The following USP50 variants were observed in gnomAD, a reference collection of about 807,000 sequenced individuals.
The protein encoded by USP50 is ubiquitin carboxyl-terminal hydrolase 50.
A neutral mutation model predicts 39.2 loss-of-function variants in USP50; 37 were observed. That is an observed-to-expected ratio of 0.94 (90% CI 0.73 to 1.24). The LOEUF is 1.24. Ranked by LOEUF, USP50 falls within the 50% of genes most tolerant of loss-of-function variation. The pLI is 0.00. For missense variants in USP50, 374 were observed against 398.2 expected (o/e 0.94, Z 0.52); for synonymous variants, 139 against 144.5 (o/e 0.96, Z 0.27).
downstream of USP50, among the ~76,000 whole-genome samples, chr15:50,496,402 A>G (rs1217871690): frequency 6.6e-6 from 1 of 150,912 alleles, no homozygotes; most frequent in African/African-American, 2.4e-5. Context: ...AATGGCGTGA[A>G]CCCTGGAGGC....
At position 50,526,036 on chromosome 15, in the gene USP50, CA is replaced by C. The variant is rs564640181; in HGVS notation, c.936+3760del. 1.4e-3 allele frequency among the ~76,000 whole-genome samples: 213 copies of C among 152,176 alleles called. 2 individuals are homozygous for C. Among genetic ancestry groups the C allele is most frequent in the African/African-American group, 4.7e-3 (194 of 41,520 alleles). On this transcript the variant is annotated intron_variant, in intron 6 of 6. Transcript: ENST00000532404. ...AGGGAGCGGGATCATTAAAGACACA[CA>C]GGGGGCTTTTCTTTTATACAGTATT...
downstream of USP50, among the ~76,000 whole-genome samples, chr15:50,496,413 G>A (rs946758715): frequency 3.3e-5 from 5 of 150,348 alleles, 1 homozygote; most frequent in South Asian, 4.2e-4. Context: ...CCCTGGAGGC[G>A]GAGTTTACAG....
chr15:50,528,601 G>A (rs573577613), intron 6 of USP50, among the ~76,000 whole-genome samples: 15 of 152,294 alleles, frequency 9.8e-5, no homozygotes, highest in African/African-American at 3.4e-4. Flanking sequence ...TGATATAATA[G>A]AGAAGAGGAT....
chr15:50,527,993 C>A (rs1429688496), intron 6 of USP50, among the ~76,000 whole-genome samples: 1 of 151,746 alleles, frequency 6.6e-6, no homozygotes, highest in Non-Finnish European at 1.5e-5. Context: ...AAATTCTAAA[C>A]ACAGTTCTCT....
downstream of USP50, chr15:50,496,118 T>C (rs529218832): frequency 6.4e-5 from 95 of 1,494,416 alleles, no homozygotes; most frequent in East Asian, 1.6e-3. Flanking sequence ...AATGATTTAT[T>C]GGATAAAAAT....
intron 5 of USP50, among the ~76,000 whole-genome samples, chr15:50,533,470 T>G (rs972350525): frequency 6.8e-6 from 1 of 147,884 alleles, no homozygotes; most frequent in Non-Finnish European, 1.5e-5. Flanking sequence ...GAAGCCAGAG[T>G]GGGGGGGAAA....
At chr15:50,498,867 CT>C, downstream of USP50, 1 of 1,564,162 alleles carries the variant, frequency 6.4e-7, no homozygotes, top group Admixed American at 2.0e-5. Context: ...ACAATTTTAA[CT>C]GAATTGATTT....
At chr15:50,535,135 T>TCACA (rs113407791) in intron 5 of USP50, among the ~76,000 whole-genome samples, 2,417 of 144,566 alleles carry the variant, frequency 0.017, 38 homozygotes, top group Middle Eastern at 0.053. Flanking sequence ...TGAAACTCTG[T>TCACA]CACACACACA....
chr15:50,516,827 G>A (rs1263850719), intron 6 of USP50, among the ~76,000 whole-genome samples: 5 of 151,332 alleles, frequency 3.3e-5, no homozygotes, highest in African/African-American at 9.7e-5. Context: ...AGACAAAGAA[G>A]GTCATTATAT....
At chr15:50,532,585 T>A (rs148693933) in intron 5 of USP50, among the ~76,000 whole-genome samples, 1 of 152,278 alleles carries the variant, frequency 6.6e-6, no homozygotes, top group East Asian at 1.9e-4. Context: ...TCATCATATC[T>A]GGCTATCAGG....
intron 3 of USP50, among the ~76,000 whole-genome samples, chr15:50,543,088 A>G (rs1322820740): frequency 6.6e-6 from 1 of 152,168 alleles, no homozygotes; most frequent in Non-Finnish European, 1.5e-5. Flanking sequence ...CAGGTTAGGT[A>G]TGTTTGGTAT....
chr15:50,529,723 A>T (rs1016472532), intron 6 of USP50, 74 bp downstream of exon 6: 2 of 1,514,434 alleles, frequency 1.3e-6, no homozygotes, highest in Admixed American at 2.1e-5. Flanking sequence ...AGACAGGAGA[A>T]ATAGGGATTC....
chr15:50,544,076 C>T, intron 2 of USP50: 1 of 396,416 alleles, frequency 2.5e-6, no homozygotes, highest in Admixed American at 3.7e-5. Flanking sequence ...ACCTGTAATG[C>T]CAGCACTTTG....
intron 6 of USP50, among the ~76,000 whole-genome samples, chr15:50,519,026 C>T (rs2052826083): frequency 6.6e-6 from 1 of 152,172 alleles, no homozygotes; most frequent in African/African-American, 2.4e-5. Context: ...GTGGCTCACA[C>T]CTGTAATCCC....
intron 6 of USP50, chr15:50,506,312 C>T (rs1296331177): frequency 3.9e-5 from 6 of 152,310 alleles, no homozygotes; most frequent in African/African-American, 1.4e-4. Flanking sequence ...CCTGTCAGAT[C>T]AGCTGCTGCA....
chr15:50,522,612 G>A (rs1195286569), intron 6 of USP50, among the ~76,000 whole-genome samples: 4 of 152,110 alleles, frequency 2.6e-5, no homozygotes, highest in Non-Finnish European at 5.9e-5. Flanking sequence ...GATGAACATA[G>A]ATGCAAAAAT....
chr15:50,517,109 T>C (rs1045720054), intron 6 of USP50, among the ~76,000 whole-genome samples: 1 of 152,206 alleles, frequency 6.6e-6, no homozygotes, highest in African/African-American at 2.4e-5. Context: ...AGAATAAACA[T>C]TATTCTCAAG....
chr15:50,493,025 T>C, downstream of USP50: 1 of 1,114,160 alleles, frequency 9.0e-7, no homozygotes, highest in Non-Finnish European at 1.3e-6. Flanking sequence ...TAAGACTAGA[T>C]AATTTGTAAA....
chr15:50,529,737 C>A, intron 6 of USP50, 60 bp downstream of exon 6: 2 of 1,559,338 alleles, frequency 1.3e-6, no homozygotes, highest in Non-Finnish European at 8.7e-7. Flanking sequence ...GGGATTCAAG[C>A]AGATAATTCT....
Sources: gnomAD v4.1 joint callset for allele counts (sites outside exome capture counted in the v4.1 genomes callset) on GRCh38, gnomAD v4.1.1 for gene constraint, MANE v1.5 for transcripts, NCBI Gene and HGNC (gene_info 2026-07-23, HGNC 2026-07-21) for gene names.